The following AP1S3 variants were observed in gnomAD, a reference collection of about 807,000 sequenced individuals.
AP1S3 encodes the protein AP-1 complex subunit sigma-3.
Under a neutral mutation model 20.9 loss-of-function variants are expected in AP1S3, and 10 were observed. The ratio of observed to expected loss-of-function variants is 0.48; its 90% CI spans 0.29 to 0.81. The LOEUF is 0.81. Among genes scored for constraint, AP1S3 ranks in the 30% least tolerant of loss-of-function variants. The probability of loss-of-function intolerance (pLI) is 0.08; values close to 1 mark genes in which losing one functional copy is unlikely to be tolerated. For missense variants in AP1S3, 154 were observed against 183.8 expected (o/e 0.84, Z 0.94); for synonymous variants, 41 against 61.5 (o/e 0.67, Z 1.56).
chr2:223,760,030 A>G (rs1690315664), intron 4 of AP1S3, among the ~76,000 whole-genome samples: 1 of 152,212 alleles, frequency 6.6e-6, no homozygotes, highest in South Asian at 2.1e-4. Context: ...GCATTTAAAA[A>G]AAAATGTTTG....
At chr2:223,830,838 G>C (rs1692241143) in intron 1 of AP1S3, among the ~76,000 whole-genome samples, 1 of 152,184 alleles carries the variant, frequency 6.6e-6, no homozygotes, top group Non-Finnish European at 1.5e-5. Context: ...AAGCTACTGA[G>C]AGCCAGGAAT....
rs141107834 is a variant in AP1S3 at position 223,773,299 on chromosome 2, G to A, written c.291+2602C>T. On this transcript the variant is annotated intron_variant, in intron 3 of 4. Transcript: ENST00000396654. ...AAATGAGAAAGAGAAGGCAGGTTAC[G>A]GGAATGCCCAGACCTCAAGGAAACT... 2.1e-4 allele frequency: 271 copies of A among 1,303,356 alleles called. 1 individual carries two copies. The African/African-American group carries it at 3.5e-3, about 17-fold the overall frequency. The allele number at this position is 1,303,356 out of a possible 1,614,324, so 80.7% of individuals were successfully genotyped here.
intron 1 of AP1S3, among the ~76,000 whole-genome samples, chr2:223,826,323 T>G (rs1166163186): frequency 2.6e-5 from 4 of 152,100 alleles, no homozygotes; most frequent in African/African-American, 4.8e-5. Context: ...GCAGGTATGG[T>G]GGCTTATGCC....
At chr2:223,809,751 TAG>T (rs1346082178) in intron 1 of AP1S3, among the ~76,000 whole-genome samples, 1 of 150,202 alleles carries the variant, frequency 6.7e-6, no homozygotes, top group Non-Finnish European at 1.5e-5. Flanking sequence ...TTTTTTGAGA[TAG>T]AGTCTTGCTC....
intron 1 of AP1S3, among the ~76,000 whole-genome samples, chr2:223,833,728 C>G (rs1692330658): frequency 6.6e-6 from 1 of 152,198 alleles, no homozygotes; most frequent in South Asian, 2.1e-4. Context: ...CCAATTCTTT[C>G]TTACAACTTG....
chr2:223,781,888 A>T (rs1267193401), intron 1 of AP1S3, among the ~76,000 whole-genome samples: 1 of 152,078 alleles, frequency 6.6e-6, no homozygotes, highest in East Asian at 1.9e-4. Flanking sequence ...ACCTAACCTA[A>T]ATCTCTTGTT....
At chr2:223,796,725 G>A (rs1340142246) in intron 1 of AP1S3, among the ~76,000 whole-genome samples, 5 of 152,046 alleles carry the variant, frequency 3.3e-5, no homozygotes, top group South Asian at 2.1e-4. Context: ...GTGCAGTGGC[G>A]CAATCTCAGC....
intron 1 of AP1S3, among the ~76,000 whole-genome samples, chr2:223,828,045 G>A (rs1692172158): frequency 9.7e-6 from 1 of 102,792 alleles, no homozygotes; most frequent in South Asian, 3.3e-4. Context: ...GGGTACAAGA[G>A]CAAGACTTCA....
At chr2:223,767,461 C>A (rs1690511890) in intron 3 of AP1S3, among the ~76,000 whole-genome samples, 3 of 151,966 alleles carry the variant, frequency 2.0e-5, no homozygotes, top group Admixed American at 6.6e-5. Flanking sequence ...ACAGAACAGA[C>A]AAACATCTCT....
chr2:223,779,241 T>C (rs1285639194), intron 1 of AP1S3, among the ~76,000 whole-genome samples: 1 of 152,154 alleles, frequency 6.6e-6, no homozygotes, highest in East Asian at 1.9e-4. Flanking sequence ...ATCTGGAAAT[T>C]TACTTGAAAA....
At chr2:223,762,018 G>A (rs1427197568) in intron 4 of AP1S3, among the ~76,000 whole-genome samples, 3 of 152,040 alleles carry the variant, frequency 2.0e-5, no homozygotes, top group African/African-American at 7.2e-5. Context: ...TGCCGCCCAG[G>A]CTAGAGTGCA....
chr2:223,776,006 A>G lies in AP1S3; in HGVS notation c.186T>C (p.Tyr62=), dbSNP rs780444936. 9.9e-6 allele frequency: 16 copies of G among 1,612,360 alleles called. No individual in the cohort carries two copies. In the East Asian group the frequency reaches 2.5e-4, roughly 25 times the overall value. The change falls in exon 3 of 5, where the codon TAT becomes TAC. Residue 62 remains tyrosine, a synonymous_variant. Coordinates refer to ENST00000396654, the MANE Select transcript of AP1S3 (RefSeq NM_001039569.2). ...TTGCACAGCAAAAATATAAACTAGC[A>G]TACCTTGAAATGAAAAATAACAAAA... ...WKELKLVYKR[Y]ASLYFCCAIE...
At chr2:223,837,367 C>T (rs1692428972) in intron 1 of AP1S3, 81 bp downstream of exon 1, 3 of 830,370 alleles carry the variant, frequency 3.6e-6, no homozygotes, top group South Asian at 5.6e-5. Flanking sequence ...GGCCGCGCGC[C>T]CGGCCCGGAC....
At chr2:223,767,259 G>A (rs1327236294) in intron 3 of AP1S3, among the ~76,000 whole-genome samples, 3 of 151,898 alleles carry the variant, frequency 2.0e-5, no homozygotes, top group African/African-American at 7.2e-5. Context: ...GCCACATGTG[G>A]TACTCTTCAC....
intron 1 of AP1S3, 129 bp from the exon 2 acceptor site, chr2:223,777,998 G>A: frequency 4.0e-6 from 3 of 755,690 alleles, no homozygotes; most frequent in Non-Finnish European, 5.9e-6. Context: ...ATTCTTACCA[G>A]CATGAAAACT....
At chr2:223,796,610 G>A (rs982889757) in intron 1 of AP1S3, among the ~76,000 whole-genome samples, 1 of 152,038 alleles carries the variant, frequency 6.6e-6, no homozygotes, top group Non-Finnish European at 1.5e-5. Context: ...TCCCTGTAAG[G>A]TGTTTACTTC....
intron 3 of AP1S3, among the ~76,000 whole-genome samples, chr2:223,766,140 TTC>T (rs1232527558): frequency 3.3e-5 from 5 of 152,170 alleles, no homozygotes; most frequent in African/African-American, 1.2e-4. Flanking sequence ...CACTGACACC[TTC>T]TCTTTCCATA....
chr2:223,785,533 T>C (rs1467816582), intron 1 of AP1S3, among the ~76,000 whole-genome samples: 1 of 152,240 alleles, frequency 6.6e-6, no homozygotes, highest in Non-Finnish European at 1.5e-5. Flanking sequence ...TTCATATGTA[T>C]GATTCTATAA....
intron 3 of AP1S3, among the ~76,000 whole-genome samples, chr2:223,766,241 G>A (rs528848894): frequency 2.1e-4 from 32 of 152,232 alleles, no homozygotes; most frequent in African/African-American, 7.7e-4. Flanking sequence ...TTTGAGAAGC[G>A]TCTGTTCATA....
Sources: gnomAD v4.1 joint callset for allele counts (sites outside exome capture counted in the v4.1 genomes callset) on GRCh38, gnomAD v4.1.1 for gene constraint, MANE v1.5 for transcripts, NCBI Gene and HGNC (gene_info 2026-07-23, HGNC 2026-07-21) for gene names.